The following WNT8A variants were observed in gnomAD, a reference collection of about 807,000 sequenced individuals.
WNT8A encodes the protein Wnt family member 8A.
Under a neutral mutation model 20.5 loss-of-function variants are expected in WNT8A, and 14 were observed. The observed-to-expected ratio is 0.68, with a 90% CI of 0.45 to 1.07. The LOEUF is 1.07. Ranked by LOEUF, WNT8A falls within the 50% of genes least tolerant of loss-of-function variation. The pLI is 0.00. For missense variants in WNT8A, 397 were observed against 462.9 expected, an observed-to-expected ratio of 0.86 and a Z score of 1.31; for synonymous variants, 167 against 169.2, an observed-to-expected ratio of 0.99 and a Z score of 0.10.
chr5:138,089,151 C>A, intron 4 of WNT8A, 82 bp downstream of exon 4: 2 of 1,525,320 alleles, frequency 1.3e-6, no homozygotes, highest in South Asian at 1.3e-5. Context: ...CTGTCTTATA[C>A]GTTCTTTCCT....
chr5:138,087,734 T>C (rs1750716720), intron 2 of WNT8A, 72 bp from the exon 3 acceptor site: 1 of 1,532,520 alleles, frequency 6.5e-7, no homozygotes, highest in East Asian at 2.3e-5. Context: ...TAAACAGTAT[T>C]ATTTTTCCAA....
At chr5:138,079,202 C>T (rs1484003506), upstream of WNT8A, among the ~76,000 whole-genome samples, 1 of 151,676 alleles carries the variant, frequency 6.6e-6, no homozygotes, top group Non-Finnish European at 1.5e-5. Context: ...CAGCTTATAC[C>T]CACTCCTGAG....
chr5:138,080,444 GTT>G (rs371833243), upstream of WNT8A, among the ~76,000 whole-genome samples: 12 of 55,974 alleles, frequency 2.1e-4, no homozygotes, highest in East Asian at 4.5e-3. Context: ...TGTAAATCTT[GTT>G]TTTTTTTTTT....
chr5:138,088,923 A>G lies in WNT8A; in HGVS notation c.422-4A>G. 1 of 1,613,434 alleles carries G rather than the reference A, an allele frequency of 6.2e-7. No individual in the cohort carries two copies. Among genetic ancestry groups the G allele is most frequent in the South Asian group, 1.1e-5 (1 of 90,962 alleles). On this transcript the variant is annotated splice_region_variant and splice_polypyrimidine_tract_variant and intron_variant, in intron 3 of 4. Coordinates refer to ENST00000506684, the MANE Select transcript of WNT8A (RefSeq NM_001300939.2). ...CGGAGAACTTATTCTGTCCTTGTATATAGGAGGCCATGGCTGGATCTGGGG... is the reference window on the plus strand; with the variant it reads ...CGGAGAACTTATTCTGTCCTTGTATGTAGGAGGCCATGGCTGGATCTGGGG...
chr5:138,080,695 A>C (rs1481075304), upstream of WNT8A, among the ~76,000 whole-genome samples: 1 of 151,762 alleles, frequency 6.6e-6, no homozygotes, highest in African/African-American at 2.4e-5. Context: ...CAAAGTCCTG[A>C]GCTCAGGCGA....
the WNT8A span, among the ~76,000 whole-genome samples, chr5:138,078,282 T>C: frequency 6.6e-6 from 1 of 152,042 alleles, no homozygotes; most frequent in East Asian, 1.9e-4. Flanking sequence ...AGAATATGCA[T>C]GGAGGCTCAT....
chr5:138,090,802 A>C lies in WNT8A; in HGVS notation c.839A>C (p.Asn280Thr), dbSNP rs977841556. ...GAATCACCAGATTACTGTACCTGCA[A>C]TTCCAGCCTGGGCATCTATGGCACA... ...LEESPDYCTCNSSLGIYGTEG... is the reference protein window; with the variant it reads ...LEESPDYCTCTSSLGIYGTEG... Residue 280 changes from asparagine to threonine, a missense_variant, in exon 5 of 5, where the codon AAT (asparagine) becomes ACT (threonine). Coordinates refer to ENST00000506684, the MANE Select transcript of WNT8A (RefSeq NM_001300939.2). The C allele has an allele frequency of 6.2e-7, 1 of 1,614,208 alleles. No individual in the cohort carries two copies. Among genetic ancestry groups the C allele is most frequent in the African/African-American group, 1.3e-5 (1 of 75,050 alleles).
chr5:138,091,196 T>C lies in WNT8A; in HGVS notation c.*123T>C. On this transcript the variant is annotated 3_prime_UTR_variant, in exon 5 of 5. Transcript: ENST00000506684. Reference sequence around the variant, plus strand: ...CAGTTTTGGTCTGTAGTCCTCATGATATCTGCTATCAGTGGGGAAAATGGA... The same window carrying C: ...CAGTTTTGGTCTGTAGTCCTCATGACATCTGCTATCAGTGGGGAAAATGGA... 1 of 1,540,752 alleles carries C rather than the reference T, an allele frequency of 6.5e-7. No homozygotes were observed. The highest frequency in any genetic ancestry group is 8.7e-7 in the Non-Finnish European group (1 of 1,155,184).
upstream of WNT8A, among the ~76,000 whole-genome samples, chr5:138,079,496 TG>T (rs1750450005): frequency 6.6e-6 from 1 of 152,052 alleles, no homozygotes; most frequent in Admixed American, 6.6e-5. Context: ...TATTATATAA[TG>T]ATATACTACA....
intron 3 of WNT8A, 109 bp from the exon 4 acceptor site, chr5:138,088,818 C>A: frequency 1.4e-6 from 2 of 1,441,794 alleles, no homozygotes; most frequent in Non-Finnish European, 1.9e-6. Flanking sequence ...ATTTCCCTGT[C>A]TCACCTTCAG....
At chr5:138,080,391 A>G (rs1750471502), upstream of WNT8A, among the ~76,000 whole-genome samples, 1 of 146,752 alleles carries the variant, frequency 6.8e-6, no homozygotes, top group East Asian at 2.0e-4. Context: ...ACTGAAGAAG[A>G]TAAGATTTCT....
At chr5:138,080,334 C>CA (rs1224065878), upstream of WNT8A, among the ~76,000 whole-genome samples, 4 of 142,860 alleles carry the variant, frequency 2.8e-5, no homozygotes, top group African/African-American at 7.7e-5. Context: ...AAAAAAAAAA[C>CA]AAAAAACCGC....
At position 138,091,372 on chromosome 5, in the gene WNT8A, T is replaced by C. The variant is rs780936861; in HGVS notation, c.*299T>C. On this transcript the variant is annotated 3_prime_UTR_variant, in exon 5 of 5. Transcript: ENST00000506684. ...AGCTTTCTACAGGGAGAGTTTGGTT[T>C]GGGGTCTATATCTAGAGGGACCTTC... is the stretch of plus-strand genomic sequence containing the variant. The C allele has an allele frequency of 7.1e-7, 1 of 1,410,544 alleles. No homozygotes were observed. Among genetic ancestry groups the C allele is most frequent in the Non-Finnish European group, 9.4e-7 (1 of 1,060,652 alleles). The allele number at this position is 1,410,544 out of a possible 1,614,324, so 87.4% of individuals were successfully genotyped here. A position where few individuals can be genotyped will look rare whatever the true frequency, so the allele number is the denominator to read the frequency against.
At chr5:138,077,973 GACC>G in the WNT8A span, among the ~76,000 whole-genome samples, 1 of 152,000 alleles carries the variant, frequency 6.6e-6, no homozygotes, top group Non-Finnish European at 1.5e-5. Context: ...GCATCCAACA[GACC>G]ACCAACTGAT....
Position 138,088,659 on chromosome 5 carries a change from C to A in WNT8A, c.422-268C>A, listed in dbSNP as rs1018674491. Among the ~76,000 whole-genome samples the A allele has an allele frequency of 3.3e-5, 5 of 152,142 alleles. No individual in the cohort carries two copies. In the East Asian group the frequency reaches 5.8e-4, roughly 18 times the overall value. On this transcript the variant is annotated intron_variant, in intron 3 of 4. Coordinates refer to ENST00000506684, the MANE Select transcript of WNT8A (RefSeq NM_001300939.2). ...ACGTGAGCCACCACGCCTGGCCAAG[C>A]TGCAGTGAACCTTTGAGAGCATCTG...
intron 2 of WNT8A, among the ~76,000 whole-genome samples, chr5:138,085,353 A>G (rs546413190): frequency 2.6e-5 from 4 of 152,228 alleles, no homozygotes; most frequent in Admixed American, 6.5e-5. Flanking sequence ...CTCCTGAGGA[A>G]GTTTCACATG....
At chr5:138,080,408 C>T (rs1338220193), upstream of WNT8A, among the ~76,000 whole-genome samples, 2 of 139,990 alleles carry the variant, frequency 1.4e-5, no homozygotes, top group Non-Finnish European at 3.0e-5. Context: ...TTCTGGCCTA[C>T]AATCACCTCT....
rs199755858 is a variant in WNT8A, at chr5:138,084,099, C to T, written c.-29C>T. The T allele has an allele frequency of 1.2e-6, 2 of 1,613,054 alleles. No homozygotes were observed. Among genetic ancestry groups the T allele is most frequent in the Admixed American group, 3.3e-5 (2 of 59,958 alleles). ...TGGGGTAGGCAGGGCGATGGGGAACCTGTTTATGCTCTGGGCAGCTCTGGG... is the reference window on the plus strand; with the variant it reads ...TGGGGTAGGCAGGGCGATGGGGAACTTGTTTATGCTCTGGGCAGCTCTGGG... On this transcript the variant is annotated 5_prime_UTR_variant, in exon 1 of 5. Coordinates refer to ENST00000506684, the MANE Select transcript of WNT8A (RefSeq NM_001300939.2).
chr5:138,091,541 G>C lies in WNT8A; in HGVS notation c.*468G>C. On this transcript the variant is annotated 3_prime_UTR_variant, in exon 5 of 5. Coordinates refer to ENST00000506684, the MANE Select transcript of WNT8A (RefSeq NM_001300939.2). Reference sequence around the variant, plus strand: ...GCTACAAATCTATGCTGATAAATGAGGTAAAGACCACATATCTGCCTACTG... The same window carrying C: ...GCTACAAATCTATGCTGATAAATGACGTAAAGACCACATATCTGCCTACTG... 1.6e-6 allele frequency: 2 copies of C among 1,284,742 alleles called. No individual in the cohort carries two copies. Among genetic ancestry groups the C allele is most frequent in the Non-Finnish European group, 2.0e-6 (2 of 981,966 alleles). The allele number at this position is 1,284,742 out of a possible 1,614,324, so 79.6% of individuals were successfully genotyped here. A position where few individuals can be genotyped will look rare whatever the true frequency, so the allele number is the denominator to read the frequency against.
Sources: gnomAD v4.1 joint callset for allele counts (sites outside exome capture counted in the v4.1 genomes callset) on GRCh38, gnomAD v4.1.1 for gene constraint, MANE v1.5 for transcripts, NCBI Gene and HGNC (gene_info 2026-07-23, HGNC 2026-07-21) for gene names.